CPLANE1: variants seen among roughly 807,000 people sequenced by gnomAD.
CPLANE1 encodes the protein ciliogenesis and planar polarity effector complex subunit 1, also known as ciliogenesis and planar polarity effector 1.
A neutral mutation model predicts 362.5 loss-of-function variants in CPLANE1; 263 were observed. That is an observed-to-expected ratio of 0.73 (90% CI 0.66 to 0.80). The LOEUF is 0.80. CPLANE1 is among the 30% of genes least tolerant of loss of function. The pLI, the probability that CPLANE1 is intolerant of heterozygous loss-of-function variation, is 0.00. For missense variants in CPLANE1, 3,461 were observed against 3,793.4 expected (o/e 0.91, Z 2.30); for synonymous variants, 1,212 against 1,302.6 (o/e 0.93, Z 1.50).
intron 36 of CPLANE1, among the ~76,000 whole-genome samples, 193 bp downstream of exon 36, chr5:37,165,346 T>C (rs540938043): frequency 1.3e-5 from 2 of 152,290 alleles, no homozygotes; most frequent in South Asian, 2.1e-4. Flanking sequence ...ACCATCAAGT[T>C]GCTTTTCACA....
intron 16 of CPLANE1, chr5:37,210,902 T>C: frequency 2.6e-6 from 2 of 781,822 alleles, no homozygotes; most frequent in South Asian, 1.3e-5. Context: ...AACTGCAAGA[T>C]GAAATTGAGC....
At chr5:37,207,062 C>G (rs1037206454) in intron 16 of CPLANE1, among the ~76,000 whole-genome samples, 1 of 152,232 alleles carries the variant, frequency 6.6e-6, no homozygotes, top group East Asian at 1.9e-4. Flanking sequence ...AGATTGCCAT[C>G]TGGCCTGTGA....
At chr5:37,125,523 G>T in intron 46 of CPLANE1, 114 bp from the exon 47 acceptor site, 1 of 953,408 alleles carries the variant, frequency 1.0e-6, no homozygotes, top group Non-Finnish European at 1.6e-6. Flanking sequence ...TTCAAAAGTA[G>T]TATATACTTA....
intron 19 of CPLANE1, among the ~76,000 whole-genome samples, chr5:37,199,875 G>A (rs1788650728): frequency 6.6e-6 from 1 of 152,168 alleles, no homozygotes; most frequent in South Asian, 2.1e-4. Flanking sequence ...ACTGTTTAAA[G>A]GACAGGCATG....
intron 47 of CPLANE1, among the ~76,000 whole-genome samples, chr5:37,123,112 A>T (rs1039340118): frequency 1.3e-5 from 2 of 152,210 alleles, no homozygotes; most frequent in Non-Finnish European, 2.9e-5. Context: ...TTAGACATTT[A>T]AAATTATCAT....
the CPLANE1 span, among the ~76,000 whole-genome samples, chr5:37,081,239 T>C: frequency 3.3e-5 from 5 of 152,190 alleles, no homozygotes; most frequent in Non-Finnish European, 7.3e-5. Context: ...AACCTTGAGA[T>C]GCCCCAAAGA....
intron 5 of CPLANE1, 86 bp from the exon 6 acceptor site, chr5:37,243,205 T>C: frequency 1.4e-6 from 1 of 729,356 alleles, no homozygotes. Flanking sequence ...TTCCTCATCA[T>C]AAACCAGTAA....
At chr5:37,197,215 A>G (rs1308636381) in intron 20 of CPLANE1, among the ~76,000 whole-genome samples, 2 of 152,150 alleles carry the variant, frequency 1.3e-5, no homozygotes, top group African/African-American at 4.8e-5. Context: ...CGTTTCAGGA[A>G]AGGGCTCTAA....
the CPLANE1 span, among the ~76,000 whole-genome samples, chr5:37,080,621 T>A: frequency 6.6e-6 from 1 of 152,218 alleles, no homozygotes; most frequent in South Asian, 2.1e-4. Flanking sequence ...CAACACTATA[T>A]GCAATTTGCC....
At chr5:37,229,296 G>A (rs1797177137) in intron 9 of CPLANE1, among the ~76,000 whole-genome samples, 1 of 151,328 alleles carries the variant, frequency 6.6e-6, no homozygotes, top group Admixed American at 6.6e-5. Flanking sequence ...GCTCAAGCCT[G>A]TAATCCTAGC....
In CPLANE1 at chr5:37,182,857, A is replaced by G; in HGVS notation, c.5324T>C (p.Ile1775Thr). ...TESSSEYSPV[I>T]RVKTSTAAIL... Reference sequence around the variant, plus strand: ...GGCAGCTGTAGAGGTCTTTACACGAATTACTGGACTGTACTCAGAGGATGA... The same window carrying G: ...GGCAGCTGTAGAGGTCTTTACACGAGTTACTGGACTGTACTCAGAGGATGA... Residue 1775 changes from isoleucine (I) to threonine (T), a missense_variant, in exon 26 of 53, where the codon ATT becomes ACT. By Grantham distance (89) the Ile-to-Thr change is moderately conservative. Coordinates refer to ENST00000651892, the MANE Select transcript of CPLANE1 (RefSeq NM_001384732.1). 1 of 1,612,602 alleles carries G rather than the reference A, an allele frequency of 6.2e-7. No homozygotes were observed. Among genetic ancestry groups the G allele is most frequent in the Non-Finnish European group, 8.5e-7 (1 of 1,179,648 alleles).
At chr5:37,116,413 A>G (rs932431164) in intron 50 of CPLANE1, among the ~76,000 whole-genome samples, 1 of 149,980 alleles carries the variant, frequency 6.7e-6, no homozygotes, top group Non-Finnish European at 1.5e-5. Context: ...TTGAACCTAA[A>G]GGACAGAGGT....
intron 21 of CPLANE1, among the ~76,000 whole-genome samples, chr5:37,191,516 C>CA (rs1265059919): frequency 1.3e-4 from 20 of 152,052 alleles, no homozygotes; most frequent in African/African-American, 4.6e-4. Context: ...ACTAAAAATA[C>CA]AAAAATTAAC....
At chr5:37,099,160 G>A in the CPLANE1 span, among the ~76,000 whole-genome samples, 10 of 152,088 alleles carry the variant, frequency 6.6e-5, no homozygotes, top group African/African-American at 1.9e-4. Flanking sequence ...TGGGGTACAC[G>A]TGCAGGATGT....
chr5:37,105,552 T>A (rs1014302999), downstream of CPLANE1, among the ~76,000 whole-genome samples: 4 of 152,174 alleles, frequency 2.6e-5, no homozygotes, highest in East Asian at 1.9e-4. Flanking sequence ...CCTGAAACTA[T>A]GAAACTACTT....
chr5:37,177,745 T>C, intron 29 of CPLANE1, 45 bp from the exon 30 acceptor site: 2 of 1,414,246 alleles, frequency 1.4e-6, no homozygotes, highest in South Asian at 1.2e-5. Flanking sequence ...GTAAAACAAA[T>C]AGGTATTACT....
At chr5:37,211,226 T>C (rs1792506050) in intron 16 of CPLANE1, 3 of 1,479,420 alleles carry the variant, frequency 2.0e-6, no homozygotes, top group South Asian at 2.3e-5. Context: ...GTAGTTCCCC[T>C]GATTCTGACC....
At chr5:37,231,192 C>A in intron 8 of CPLANE1, 143 bp from the exon 9 acceptor site, 1 of 458,378 alleles carries the variant, frequency 2.2e-6, no homozygotes, top group Middle Eastern at 4.2e-4. Flanking sequence ...TTGCCATACA[C>A]ATTTCATGAA....
At chr5:37,181,087 C>G in intron 26 of CPLANE1, 82 bp from the exon 27 acceptor site, 1 of 1,192,358 alleles carries the variant, frequency 8.4e-7, no homozygotes, top group South Asian at 1.5e-5. Context: ...ATTCTTTCTA[C>G]AGGAATTCTG....
Sources: allele counts gnomAD v4.1 joint callset (sites outside exome capture counted in the v4.1 genomes callset), GRCh38; gene constraint gnomAD v4.1.1; transcripts MANE v1.5; gene names NCBI Gene and HGNC (gene_info 2026-07-23, HGNC 2026-07-21).